The following PYY variants were observed in gnomAD, a reference collection of about 807,000 sequenced individuals.
The protein encoded by PYY is peptide tyrosine tyrosine.
In PYY, 12 loss-of-function variants were observed where a neutral mutation model predicts 10.3. The ratio of observed to expected loss-of-function variants is 1.17; its 90% CI spans 0.75 to 1.89. PYY has a LOEUF of 1.89. Ranked by LOEUF, PYY falls within the 40% of genes most tolerant of loss-of-function variation. The pLI, the probability that PYY is intolerant of heterozygous loss-of-function variation, is 0.00. For synonymous variants in PYY, 66 were observed against 62.0 expected (o/e 1.06, Z -0.30); for missense variants, 141 against 134.0 (o/e 1.05, Z -0.26).
chr17:43,985,145 A>G (rs2048907781), intron 1 of PYY, among the ~76,000 whole-genome samples: 1 of 152,226 alleles, frequency 6.6e-6, no homozygotes, highest in African/African-American at 2.4e-5. Flanking sequence ...GATCTGGAAT[A>G]CATGAAGAGT....
At chr17:43,974,777 A>C (rs1462087320) in intron 1 of PYY, among the ~76,000 whole-genome samples, 1 of 152,202 alleles carries the variant, frequency 6.6e-6, no homozygotes, top group East Asian at 1.9e-4. Flanking sequence ...CAGCAAATTG[A>C]AAAAGGCTGT....
intron 2 of PYY, chr17:43,966,180 G>A (rs1472952617): frequency 2.0e-5 from 3 of 152,666 alleles, no homozygotes; most frequent in Non-Finnish European, 4.4e-5. Context: ...ACTATGCCAG[G>A]TACGTCTCAC....
At chr17:43,982,269 G>A (rs534685280) in intron 1 of PYY, among the ~76,000 whole-genome samples, 21 of 152,338 alleles carry the variant, frequency 1.4e-4, no homozygotes, top group African/African-American at 4.8e-4. Flanking sequence ...GTGTCAGGCC[G>A]GCAGGAGAAG....
intron 2 of PYY, among the ~76,000 whole-genome samples, chr17:43,965,712 C>T (rs1234214593): frequency 1.5e-5 from 2 of 136,328 alleles, no homozygotes; most frequent in Admixed American, 8.2e-5. Flanking sequence ...TCCTTGAACC[C>T]GGGAGGCGGA....
Position 43,973,892 on chromosome 17 carries a change from G to A in PYY, c.-462-7360C>T, listed in dbSNP as rs138627834. Among the ~76,000 whole-genome samples the A allele has an allele frequency of 1.5e-3, 233 of 152,232 alleles. 2 individuals are homozygous for A. The highest frequency in any genetic ancestry group is 5.4e-3 in the African/African-American group (225 of 41,552). ...TTGAGCCTGGTCACGAAGGGCCTTC[G>A]TGCCTGGACCTCATGCCAAACAACT... is the stretch of plus-strand genomic sequence containing the variant. On this transcript the variant is annotated intron_variant, in intron 1 of 6. Coordinates refer to the PYY transcript ENST00000360085.
At position 43,987,781 on chromosome 17, in the gene PYY, T is replaced by A. The variant is rs2048924767; in HGVS notation, c.-463+16610A>T. Among the ~76,000 whole-genome samples the A allele has an allele frequency of 2.6e-5, 4 of 152,160 alleles. No homozygotes were observed. The South Asian group carries it at 8.3e-4, about 31-fold the overall frequency. On this transcript the variant is annotated intron_variant, in intron 1 of 6. Transcript: ENST00000360085. The surrounding 1 kb of genome is among the most constrained non-coding windows in gnomAD (Gnocchi z 4.0). The stretch of plus-strand genomic sequence containing the variant: ...ACATGGCATGTGCCCTCTAAGAGCT[T>A]ACAGTCCAGCAGGGAACACAGCCCA...
At position 43,952,818 on chromosome 17, in the gene PYY, G is replaced by C. The variant is rs2048639871; in HGVS notation, c.*138C>G. 3.2e-6 allele frequency: 3 copies of C among 941,892 alleles called. No individual in the cohort carries two copies. Among genetic ancestry groups the C allele is most frequent in the Admixed American group, 5.9e-5 (2 of 34,154 alleles). The allele number at this position is 941,892 out of a possible 1,614,324, so 58.3% of individuals were successfully genotyped here. A position where few individuals can be genotyped will look rare whatever the true frequency, so the allele number is the denominator to read the frequency against. ...CCAGCCCAGGGGGCGGGGGCACCGAGACGCGGGCGGAGGGCCGCACCCGAA... is the reference window on the plus strand; with the variant it reads ...CCAGCCCAGGGGGCGGGGGCACCGACACGCGGGCGGAGGGCCGCACCCGAA... On this transcript the variant is annotated 3_prime_UTR_variant, in exon 4 of 4. Coordinates refer to ENST00000692052, the MANE Select transcript of PYY (RefSeq NM_001394028.1).
intron 1 of PYY, among the ~76,000 whole-genome samples, chr17:43,991,005 G>A (rs978202939): frequency 2.0e-5 from 3 of 151,030 alleles, no homozygotes; most frequent in African/African-American, 4.9e-5. Context: ...CCATGGTCTC[G>A]AACTCCTCAC....
At chr17:43,986,508 T>A (rs2048916962) in intron 1 of PYY, among the ~76,000 whole-genome samples, 1 of 152,194 alleles carries the variant, frequency 6.6e-6, no homozygotes. Flanking sequence ...GAAAGGAGTT[T>A]GAATATTGTG....
At chr17:43,990,956 G>A (rs180755822) in intron 1 of PYY, among the ~76,000 whole-genome samples, 173 of 151,570 alleles carry the variant, frequency 1.1e-3, no homozygotes, top group East Asian at 3.7e-3. Flanking sequence ...CACCACGCCC[G>A]GCTAATTTTT....
intron 2 of PYY, among the ~76,000 whole-genome samples, chr17:43,963,570 A>AAAAGAAAGAAAGAAAAAG (rs2048728278): frequency 1.9e-5 from 2 of 104,648 alleles, no homozygotes; most frequent in East Asian, 3.5e-4. Flanking sequence ...GGAAGGAAGG[A>AAAAGAAAGAAAGAAAAAG]AAAGAAAGAA....
At chr17:43,977,520 C>G (rs2048857027) in intron 1 of PYY, among the ~76,000 whole-genome samples, 1 of 152,084 alleles carries the variant, frequency 6.6e-6, no homozygotes, top group Non-Finnish European at 1.5e-5. Context: ...CCTGCCCGCC[C>G]AACACTGGCA....
chr17:43,996,358 C>T (rs2048992275), intron 1 of PYY, among the ~76,000 whole-genome samples: 1 of 152,164 alleles, frequency 6.6e-6, no homozygotes, highest in Non-Finnish European at 1.5e-5. Flanking sequence ...CTGACTGCAA[C>T]CACATGAGAA....
At chr17:43,986,984 G>A (rs556196977) in intron 1 of PYY, among the ~76,000 whole-genome samples, 3 of 152,258 alleles carry the variant, frequency 2.0e-5, no homozygotes, top group South Asian at 4.1e-4. Flanking sequence ...GAGATTATGC[G>A]ACCTGCCCAA....
At chr17:43,967,636 A>G (rs1329724137) in intron 1 of PYY, among the ~76,000 whole-genome samples, 1 of 152,178 alleles carries the variant, frequency 6.6e-6, no homozygotes, top group East Asian at 1.9e-4. Flanking sequence ...TTAAAAAGCT[A>G]TTAGGTTCCA....
intron 1 of PYY, among the ~76,000 whole-genome samples, chr17:43,972,690 G>A (rs866640559): frequency 1.4e-4 from 22 of 151,734 alleles, no homozygotes; most frequent in African/African-American, 4.4e-4. Context: ...CACTATACCC[G>A]GCTAATTTGT....
intron 1 of PYY, among the ~76,000 whole-genome samples, chr17:43,978,626 A>G (rs1018555419): frequency 2.0e-5 from 3 of 152,174 alleles, no homozygotes; most frequent in Non-Finnish European, 4.4e-5. Flanking sequence ...AATTCCCAAA[A>G]CAGGCTATTA....
intron 1 of PYY, among the ~76,000 whole-genome samples, chr17:43,996,084 A>G (rs558295600): frequency 4.2e-4 from 64 of 152,302 alleles, no homozygotes; most frequent in African/African-American, 1.3e-3. Context: ...CACACTTATA[A>G]CCAATAGGAT....
At chr17:43,980,273 C>G (rs905349731) in intron 1 of PYY, among the ~76,000 whole-genome samples, 1 of 145,050 alleles carries the variant, frequency 6.9e-6, no homozygotes, top group Non-Finnish European at 1.5e-5. Flanking sequence ...AAGCAATTCT[C>G]TTGCCTCTGC....
Sources: gnomAD v4.1 joint callset for allele counts (sites outside exome capture counted in the v4.1 genomes callset) on GRCh38, gnomAD v4.1.1 for gene constraint, Gnocchi (gnomAD v3.1) non-coding constraint, MANE v1.5 for transcripts, NCBI Gene and HGNC (gene_info 2026-07-23, HGNC 2026-07-21) for gene names.